The following MAD2L2 variants were observed in gnomAD, a reference collection of about 807,000 sequenced individuals.
MAD2L2 encodes mitotic arrest deficient 2 like 2.
In MAD2L2, 17 loss-of-function variants were observed where a neutral mutation model predicts 30.5. The ratio of observed to expected loss-of-function variants is 0.56; its 90% CI spans 0.38 to 0.84. The LOEUF is 0.84. Ranked by LOEUF, MAD2L2 falls within the 40% of genes least tolerant of loss-of-function variation. MAD2L2 has a pLI of 0.00. For missense variants in MAD2L2, 213 were observed against 277.4 expected, an observed-to-expected ratio of 0.77 and a Z score of 1.65; for synonymous variants, 101 against 113.9, an observed-to-expected ratio of 0.89 and a Z score of 0.72.
At chr1:11,685,275 A>G (rs903440892), upstream of MAD2L2, among the ~76,000 whole-genome samples, 3 of 152,208 alleles carry the variant, frequency 2.0e-5, no homozygotes, top group Non-Finnish European at 4.4e-5. Context: ...AGTGAATGAA[A>G]GAATGAATGG....
At chr1:11,677,340 C>T (rs1557678734) in intron 4 of MAD2L2, 2 of 614,298 alleles carry the variant, frequency 3.3e-6, no homozygotes, top group Non-Finnish European at 2.8e-6. Flanking sequence ...AGGCCCAAGG[C>T]ACCCTGAACA....
rs533721361 is a variant in MAD2L2, at chr1:11,678,286, C to T, written c.160-672G>A. ...AAAAATTAGCCAGGTGAGGTGGCAC[C>T]TGTAATCCCAGCTACTTGGGAGGCT... is the stretch of plus-strand genomic sequence containing the variant. On this transcript the variant is annotated intron_variant, in intron 3 of 8. Coordinates refer to ENST00000376692, the MANE Select transcript of MAD2L2 (RefSeq NM_006341.4). Among the ~76,000 whole-genome samples the T allele has an allele frequency of 2.7e-4, 41 of 151,948 alleles. 1 individual carries two copies. Among genetic ancestry groups the T allele is most frequent in the Admixed American group, 5.2e-4 (8 of 15,262 alleles).
chr1:11,677,108 A>G (rs1412196825), intron 4 of MAD2L2, 160 bp from the exon 5 acceptor site: 12 of 667,742 alleles, frequency 1.8e-5, no homozygotes, highest in Non-Finnish European at 2.9e-5. Context: ...AGCGAGTTTG[A>G]GAAGCCGGCA....
At chr1:11,675,556 A>G in intron 7 of MAD2L2, 102 bp downstream of exon 7, 1 of 1,138,190 alleles carries the variant, frequency 8.8e-7, no homozygotes, top group South Asian at 1.3e-5. Flanking sequence ...CTGCCACACC[A>G]ATGTAATGGG....
upstream of MAD2L2, among the ~76,000 whole-genome samples, chr1:11,684,928 C>CTT (rs60300457): frequency 6.2e-5 from 9 of 145,722 alleles, no homozygotes; most frequent in African/African-American, 1.8e-4. Flanking sequence ...CTCTCTCTCT[C>CTT]TTTTTTTTTT....
chr1:11,675,940 A>C (rs1221655526), intron 6 of MAD2L2, 106 bp downstream of exon 6: 1 of 1,003,692 alleles, frequency 1.0e-6, no homozygotes, highest in Non-Finnish European at 1.6e-6. Flanking sequence ...TCTCAGGGTT[A>C]GGAAGAGATG....
upstream of MAD2L2, among the ~76,000 whole-genome samples, chr1:11,683,185 A>G (rs570885332): frequency 7.2e-5 from 11 of 152,282 alleles, no homozygotes; most frequent in East Asian, 1.9e-3. Flanking sequence ...TGTGAGGGGC[A>G]TTGGGGCTCA....
At chr1:11,685,494 G>A (rs902224250), upstream of MAD2L2, among the ~76,000 whole-genome samples, 1 of 152,188 alleles carries the variant, frequency 6.6e-6, no homozygotes, top group Non-Finnish European at 1.5e-5. Flanking sequence ...CTGCTCATGT[G>A]TCCAACCTGC....
chr1:11,675,705 T>A lies in MAD2L2; in HGVS notation c.454A>T (p.Thr152Ser). Residue 152 changes from threonine to serine, a missense_variant, in exon 7 of 9, where the codon ACG (threonine) becomes TCG (serine). By Grantham distance (58) the Thr-to-Ser change is moderately conservative. Transcript: ENST00000376692. ...PGCTFTVLVH[T>S]REAATRNMEK... ...ATGTTGCGAGTGGCGGCTTCTCTCGTGTGCACCAGGACTGTGAAGGTACAG... is the reference window on the plus strand; with the variant it reads ...ATGTTGCGAGTGGCGGCTTCTCTCGAGTGCACCAGGACTGTGAAGGTACAG... 1 of 1,614,042 alleles carries A rather than the reference T, an allele frequency of 6.2e-7. No homozygotes were observed. Among genetic ancestry groups the A allele is most frequent in the Non-Finnish European group, 8.5e-7 (1 of 1,179,980 alleles).
At chr1:11,676,380 A>G (rs1277213101) in intron 5 of MAD2L2, among the ~76,000 whole-genome samples, 1 of 152,118 alleles carries the variant, frequency 6.6e-6, no homozygotes, top group African/African-American at 2.4e-5. Context: ...CAGGGGAGGT[A>G]GGGGCAGCCT....
Position 11,676,028 on chromosome 1 carries a change from G to T in MAD2L2, c.427+18C>A. ...CCATGGAAATGCCAAGGGAAGAGAG[G>T]GTGGGGAGTGGACACACCTGGGGGG... is the stretch of plus-strand genomic sequence containing the variant. On this transcript the variant is annotated intron_variant, in intron 6 of 8. Transcript: ENST00000376692. The T allele has an allele frequency of 6.2e-7, 1 of 1,602,810 alleles. No individual in the cohort carries two copies. Among genetic ancestry groups the T allele is most frequent in the Non-Finnish European group, 8.5e-7 (1 of 1,170,066 alleles).
chr1:11,680,536 C>T (rs987261389), intron 2 of MAD2L2, 26 bp downstream of exon 2: 6 of 1,608,982 alleles, frequency 3.7e-6, no homozygotes, highest in African/African-American at 2.7e-5. Flanking sequence ...CCCCCGCCCC[C>T]GGGCCCGCAG....
At chr1:11,679,378 G>A (rs1570288485) in intron 3 of MAD2L2, among the ~76,000 whole-genome samples, 3 of 152,252 alleles carry the variant, frequency 2.0e-5, no homozygotes, top group Middle Eastern at 3.4e-3. Flanking sequence ...GCTACAGTGC[G>A]ATGCACACTG....
intron 3 of MAD2L2, 50 bp downstream of exon 3, chr1:11,680,303 T>G: frequency 6.6e-7 from 1 of 1,504,852 alleles, no homozygotes; most frequent in Non-Finnish European, 9.1e-7. Context: ...ACCAAAGAAT[T>G]TTTAAAAGTC....
intron 6 of MAD2L2, 71 bp from the exon 7 acceptor site, chr1:11,675,802 C>T: frequency 7.6e-7 from 1 of 1,311,484 alleles, no homozygotes. Flanking sequence ...AGCCTCTTCC[C>T]ACTTCCCTTG....
chr1:11,675,400 C>A (rs907004146), intron 7 of MAD2L2, among the ~76,000 whole-genome samples: 7 of 152,176 alleles, frequency 4.6e-5, no homozygotes, highest in Non-Finnish European at 1.0e-4. Context: ...ACCTGGTGGG[C>A]TAGGACCCCT....
upstream of MAD2L2, among the ~76,000 whole-genome samples, chr1:11,685,189 G>A (rs920685739): frequency 1.3e-5 from 2 of 152,026 alleles, no homozygotes; most frequent in South Asian, 2.1e-4. Flanking sequence ...TCTCACCCTC[G>A]CAAAATGCTG....
intron 7 of MAD2L2, 44 bp from the exon 8 acceptor site, chr1:11,675,218 T>A: frequency 2.2e-6 from 3 of 1,362,456 alleles, no homozygotes; most frequent in Non-Finnish European, 3.0e-6. Context: ...GGCTGGGCCC[T>A]GGCCTGCCCT....
In MAD2L2 at chr1:11,675,066, T is replaced by C; in HGVS notation, c.594+16A>G. ...CAGCCCCTAAATAAAGCTTCCCGGG[T>C]CCCCACGAAGCTCACCTTTAAAATG... On this transcript the variant is annotated intron_variant, in intron 8 of 8. Transcript: ENST00000376692. The C allele has an allele frequency of 6.4e-7, 1 of 1,560,064 alleles. No individual in the cohort carries two copies. Among genetic ancestry groups the C allele is most frequent in the East Asian group, 2.3e-5 (1 of 44,288 alleles).
Sources: gnomAD v4.1 joint callset for allele counts (sites outside exome capture counted in the v4.1 genomes callset) on GRCh38, gnomAD v4.1.1 for gene constraint, MANE v1.5 for transcripts, NCBI Gene and HGNC (gene_info 2026-07-23, HGNC 2026-07-21) for gene names.